CYBB: variants seen among roughly 807,000 people sequenced by gnomAD.
CYBB encodes cytochrome b-245 beta chain, also known as NADPH oxidase 2.
A neutral mutation model predicts 46.5 loss-of-function variants in CYBB; 5 were observed. The ratio of observed to expected loss-of-function variants is 0.11; its 90% CI spans 0.06 to 0.23. CYBB has a LOEUF of 0.23. Among genes scored for constraint, CYBB ranks in the 10% least tolerant of loss-of-function variants. The pLI is 1.00. For missense variants in CYBB, 307 were observed against 428.3 expected (o/e 0.72, Z 2.50); for synonymous variants, 183 against 156.7 (o/e 1.17, Z -1.26).
At chrX:37,789,559 A>G (rs782381654) in intron 3 of CYBB, among the ~76,000 whole-genome samples, 52 of 110,444 alleles carry the variant, frequency 4.7e-4, no homozygotes, top group Non-Finnish European at 8.9e-4. Flanking sequence ...ATAAACTATA[A>G]AGGAACATGG....
chrX:37,799,779 T>C (rs907919852), intron 7 of CYBB, among the ~76,000 whole-genome samples: 2 of 111,960 alleles, frequency 1.8e-5, no homozygotes, highest in East Asian at 5.6e-4. Context: ...AATCTTCATA[T>C]CATTTTCCCC....
At chrX:37,787,804 G>T (rs782503986) in intron 3 of CYBB, among the ~76,000 whole-genome samples, 2 of 111,391 alleles carry the variant, frequency 1.8e-5, no homozygotes, top group South Asian at 7.5e-4. Context: ...AAGTGGTGAG[G>T]AGATGGTATT....
At chrX:37,795,767 A>T (rs1254243250) in intron 5 of CYBB, among the ~76,000 whole-genome samples, 184 bp from the exon 6 acceptor site, 4 of 112,702 alleles carry the variant, frequency 3.5e-5, no homozygotes, top group Non-Finnish European at 5.6e-5. Flanking sequence ...TTTCAAATCT[A>T]TATCTGTCTG....
At chrX:37,796,324 A>G (rs1391795470) in intron 6 of CYBB, among the ~76,000 whole-genome samples, 183 bp downstream of exon 6, 2 of 111,747 alleles carry the variant, frequency 1.8e-5, no homozygotes, top group Admixed American at 1.9e-4. Flanking sequence ...TGTTTCATGC[A>G]CCCATGTAAT....
At chrX:37,806,232 T>A (rs1167682046) in intron 10 of CYBB, among the ~76,000 whole-genome samples, 155 bp from the exon 11 acceptor site, 2 of 112,326 alleles carry the variant, frequency 1.8e-5, no homozygotes, top group African/African-American at 3.2e-5. Flanking sequence ...TCATGTAAAC[T>A]ACCCTGTGAA....
chrX:37,810,941 A>G lies in CYBB; in HGVS notation c.*24A>G. The stretch of plus-strand genomic sequence containing the variant: ...AACTTGTCTCTTCCATGAGGAAATA[A>G]ATGTGGGTTGTGCTGCCAAATGCTC... On this transcript the variant is annotated 3_prime_UTR_variant, in exon 13 of 13. Coordinates refer to ENST00000378588, the MANE Select transcript of CYBB (RefSeq NM_000397.4). The G allele has an allele frequency of 8.4e-7, 1 of 1,194,363 alleles. No homozygotes were observed. The highest frequency in any genetic ancestry group is 1.1e-6 in the Non-Finnish European group (1 of 881,231).
rs1929527023 is a variant in CYBB at position 37,804,987 on chromosome X, C to T, written c.1152-19C>T. The T allele has an allele frequency of 2.5e-6, 3 of 1,208,596 alleles. No homozygotes were observed. Among genetic ancestry groups the T allele is most frequent in the Non-Finnish European group, 3.4e-6 (3 of 892,782 alleles). On this transcript the variant is annotated intron_variant, in intron 9 of 12. Transcript: ENST00000378588. ...GAGCAAGACATCTCTGTAACTATCT[C>T]CTCCCCATTTCCCTTCAGGATAGCG...
intron 5 of CYBB, among the ~76,000 whole-genome samples, chrX:37,795,228 G>C (rs782756754): frequency 1.8e-5 from 2 of 111,529 alleles, no homozygotes; most frequent in Non-Finnish European, 3.8e-5. Context: ...AGGTTGGTGG[G>C]GGGTGGCTGA....
chrX:37,807,200 C>T (rs1425529936), intron 11 of CYBB, among the ~76,000 whole-genome samples: 2 of 110,107 alleles, frequency 1.8e-5, no homozygotes, highest in African/African-American at 6.6e-5. Context: ...GTATTAAACC[C>T]ATTTTAGACT....
rs1230347640 is a variant in CYBB at position 37,796,614 on chromosome X, T to A, written c.674+473T>A. 3.6e-5 allele frequency among the ~76,000 whole-genome samples: 4 copies of A among 112,015 alleles called. No individual in the cohort carries two copies. In the Admixed American group the frequency reaches 3.8e-4, roughly 11 times the overall value. ...ATGTATGAGGACCTATCTCAGGCAC[T>A]GCAGGAAATACAAGCAGGAAAAATA... is the stretch of plus-strand genomic sequence containing the variant. On this transcript the variant is annotated intron_variant, in intron 6 of 12. Transcript: ENST00000378588.
chrX:37,781,996 TG>T (rs1355107193), intron 1 of CYBB, 91 bp from the exon 2 acceptor site: 1 of 726,005 alleles, frequency 1.4e-6, no homozygotes, highest in Non-Finnish European at 2.2e-6. Flanking sequence ...AAGTTGGACT[TG>T]GGGAAGTCCT....
At chrX:37,788,906 G>C (rs1929134550) in intron 3 of CYBB, among the ~76,000 whole-genome samples, 1 of 111,699 alleles carries the variant, frequency 9.0e-6, no homozygotes, top group African/African-American at 3.3e-5. Flanking sequence ...CACAAGTCCA[G>C]CACCCAGTTG....
At chrX:37,795,694 A>C (rs918536902) in intron 5 of CYBB, among the ~76,000 whole-genome samples, 9 of 112,396 alleles carry the variant, frequency 8.0e-5, no homozygotes, top group African/African-American at 2.9e-4. Context: ...ATTTAAGTAC[A>C]TCAGTTCACA....
chrX:37,799,485 A>G (rs1343863669), intron 7 of CYBB, among the ~76,000 whole-genome samples: 1 of 111,707 alleles, frequency 9.0e-6, no homozygotes, highest in Admixed American at 9.5e-5. Context: ...ATACCAGCAC[A>G]TAATACTTTC....
Position 37,783,110 on chromosome X carries a change from C to G in CYBB, c.142-380C>G, listed in dbSNP as rs186795320. On this transcript the variant is annotated intron_variant, in intron 2 of 12. Transcript: ENST00000378588. ...AGAGAAAGTGAACTGTTGTCTGTAA[C>G]TTACTTTGAAATGCATCAAAAATTA... Among the ~76,000 whole-genome samples, 252 of 111,206 alleles carry G rather than the reference C, an allele frequency of 2.3e-3. 1 individual carries two copies. The highest frequency in any genetic ancestry group is 7.7e-3 in the African/African-American group (235 of 30,636).
chrX:37,808,018 CTT>C (rs1250298275), intron 11 of CYBB, among the ~76,000 whole-genome samples: 5 of 112,355 alleles, frequency 4.5e-5, no homozygotes, highest in African/African-American at 1.6e-4. Context: ...ACGTTAATGA[CTT>C]GGCCTGGAAG....
At chrX:37,797,268 G>A (rs1254300443) in intron 6 of CYBB, among the ~76,000 whole-genome samples, 1 of 111,917 alleles carries the variant, frequency 8.9e-6, no homozygotes, top group East Asian at 2.8e-4. Flanking sequence ...CTCTCTTAAA[G>A]CACTCAAATA....
chrX:37,791,910 G>A (rs1929205137), intron 3 of CYBB, 65 bp from the exon 4 acceptor site: 1 of 816,028 alleles, frequency 1.2e-6, no homozygotes, highest in Non-Finnish European at 1.9e-6. Flanking sequence ...TGTATCAAAT[G>A]TTTGACACAT....
At position 37,782,115 on chromosome X, in the gene CYBB, C is replaced by T; in HGVS notation, c.73C>T (p.Leu25Phe). 1 of 1,210,399 alleles carries T rather than the reference C, an allele frequency of 8.3e-7. No homozygotes were observed. The highest frequency in any genetic ancestry group is 1.1e-6 in the Non-Finnish European group (1 of 894,283). ...ILVWLGLNVF[L>F]FVWYYRVYDI... ...GGTTTGGCTGGGGTTGAACGTCTTC[C>T]TCTTTGTCTGGTATTACCGGGTTTA... The change falls in exon 2 of 13, where the codon CTC becomes TTC. Residue 25 changes from leucine (L) to phenylalanine (F), a missense_variant. Around this residue, in one of 3 missense-constraint regions of CYBB, gnomAD observed 103 missense variants for 150.2 expected, o/e 0.69. Transcript: ENST00000378588.
Sources: allele counts gnomAD v4.1 joint callset (sites outside exome capture counted in the v4.1 genomes callset), GRCh38; gene constraint gnomAD v4.1.1; regional missense constraint gnomAD v4.1.1; transcripts MANE v1.5; gene names NCBI Gene and HGNC (gene_info 2026-07-23, HGNC 2026-07-21).